The following ERICH1 variants were observed in gnomAD, a reference collection of about 807,000 sequenced individuals.
ERICH1 encodes glutamate rich 1, also known as glutamate-rich protein 1.
In ERICH1, 56 loss-of-function variants were observed where a neutral mutation model predicts 39.6. The observed-to-expected ratio is 1.41, with a 90% CI of 1.14 to 1.77. The LOEUF (loss-of-function observed/expected upper bound fraction) is 1.77, where lower values mean the gene tolerates loss of function less well. Ranked by LOEUF, ERICH1 falls within the 40% of genes most tolerant of loss-of-function variation. The pLI is 0.00. For missense variants in ERICH1, 826 were observed against 575.4 expected (o/e 1.44, Z -4.45); for synonymous variants, 313 against 223.6 (o/e 1.40, Z -3.57).
At chr8:701,328 G>C (rs1284169358) in intron 2 of ERICH1, among the ~76,000 whole-genome samples, 1 of 152,060 alleles carries the variant, frequency 6.6e-6, no homozygotes, top group Non-Finnish European at 1.5e-5. Context: ...TGCCCTGCTG[G>C]ACGGGAGCAC....
chr8:701,253 G>A (rs1168339881), intron 2 of ERICH1, among the ~76,000 whole-genome samples: 2 of 151,878 alleles, frequency 1.3e-5, no homozygotes, highest in East Asian at 3.9e-4. Context: ...CTACCCTGCT[G>A]GACGGGAGCA....
chr8:617,639 C>A (rs1446139032), intron 3 of ERICH1, among the ~76,000 whole-genome samples: 1 of 150,216 alleles, frequency 6.7e-6, no homozygotes, highest in Non-Finnish European at 1.5e-5. Context: ...GTACTTGGTC[C>A]ATCCTCACTG....
At position 671,339 on chromosome 8, in the gene ERICH1, T is replaced by C. The variant is rs1803326264; in HGVS notation, c.1063+1950A>G. ...CCCCGGCTCTAATGTCTGCGCTCAC[T>C]GGGCTCCAGGCTGAGACCTCTGAAC... On this transcript the variant is annotated intron_variant, in intron 4 of 5. Coordinates refer to ENST00000262109, the MANE Select transcript of ERICH1 (RefSeq NM_207332.3). Among the ~76,000 whole-genome samples the C allele has an allele frequency of 2.1e-5, 3 of 146,012 alleles. No individual in the cohort carries two copies. In the South Asian group the frequency reaches 6.5e-4, roughly 32 times the overall value.
intron 1 of ERICH1, among the ~76,000 whole-genome samples, chr8:722,460 C>G (rs1029657756): frequency 6.6e-6 from 1 of 152,184 alleles, no homozygotes; most frequent in African/African-American, 2.4e-5. Context: ...AAATAAAAGA[C>G]ACAGCCAAAT....
intron 2 of ERICH1, among the ~76,000 whole-genome samples, chr8:692,854 A>T (rs1028298470): frequency 1.3e-5 from 2 of 152,248 alleles, no homozygotes; most frequent in Admixed American, 6.5e-5. Flanking sequence ...TTGAATTCAC[A>T]TGAAATTACT....
chr8:624,551 C>T (rs1797487388), intron 3 of ERICH1, among the ~76,000 whole-genome samples: 1 of 152,064 alleles, frequency 6.6e-6, no homozygotes, highest in African/African-American at 2.4e-5. Context: ...AAAAGATGTT[C>T]AATTGGCTCA....
chr8:699,330 C>T (rs28573947), intron 2 of ERICH1, among the ~76,000 whole-genome samples: 27,747 of 152,064 alleles, frequency 0.18, 3,366 homozygotes, highest in East Asian at 0.44. Flanking sequence ...GAAGAGTGGA[C>T]GCCACCCCCG....
chr8:698,062 G>C (rs966309800), intron 2 of ERICH1, among the ~76,000 whole-genome samples: 1 of 152,214 alleles, frequency 6.6e-6, no homozygotes, highest in African/African-American at 2.4e-5. Flanking sequence ...GGTGTAGAGA[G>C]GAGGAGGTGG....
At chr8:619,709 T>C (rs1270641420) in intron 3 of ERICH1, among the ~76,000 whole-genome samples, 2 of 152,200 alleles carry the variant, frequency 1.3e-5, no homozygotes. Flanking sequence ...GTTTGTAACA[T>C]ATACAGGGAC....
chr8:708,682 T>TTTTTTTTTTGG (rs1491330122), intron 2 of ERICH1, among the ~76,000 whole-genome samples: 1 of 27,912 alleles, frequency 3.6e-5, no homozygotes, highest in African/African-American at 1.3e-4. Context: ...GGATAATGAG[T>TTTTTTTTTTGG]TTTTTTTTTT....
At chr8:724,313 A>G (rs1375086441) in intron 1 of ERICH1, among the ~76,000 whole-genome samples, 2 of 152,228 alleles carry the variant, frequency 1.3e-5, no homozygotes, top group African/African-American at 4.8e-5. Flanking sequence ...CGATCTCTAC[A>G]AATAAAAAAG....
In ERICH1 at chr8:731,210, A is replaced by G. The variant is rs1819933494; in HGVS notation, c.-49T>C. The stretch of plus-strand genomic sequence containing the variant: ...GACCACGGCGCGCGGTCCTGAGCTG[A>G]GCGCCGTGCCTTCCGGGTTCCGCCC... On this transcript the variant is annotated 5_prime_UTR_variant, in exon 1 of 6. Transcript: ENST00000262109. 6 of 1,421,258 alleles carry G rather than the reference A, an allele frequency of 4.2e-6. No homozygotes were observed. The highest frequency in any genetic ancestry group is 5.5e-6 in the Non-Finnish European group (6 of 1,088,910). 88.0% of individuals were successfully genotyped at this position (1,421,258 alleles called of 1,614,324 possible).
chr8:691,732 G>C (rs545147160), intron 3 of ERICH1, among the ~76,000 whole-genome samples: 10 of 152,274 alleles, frequency 6.6e-5, no homozygotes, highest in African/African-American at 2.2e-4. Flanking sequence ...AAGCCAGAAA[G>C]ACAAAAGCAG....
chr8:621,962 C>A (rs1211693085), intron 3 of ERICH1, among the ~76,000 whole-genome samples: 2 of 152,168 alleles, frequency 1.3e-5, no homozygotes, highest in African/African-American at 4.8e-5. Flanking sequence ...TGCCTGTAAT[C>A]CCAGCACGTT....
At chr8:716,195 C>G (rs1335787060) in intron 1 of ERICH1, among the ~76,000 whole-genome samples, 188 bp from the exon 2 acceptor site, 1 of 152,238 alleles carries the variant, frequency 6.6e-6, no homozygotes, top group Non-Finnish European at 1.5e-5. Flanking sequence ...CGCAGAGGAA[C>G]CCTTGAGGCT....
chr8:624,488 G>C (rs1431402053), intron 3 of ERICH1, among the ~76,000 whole-genome samples: 1 of 152,204 alleles, frequency 6.6e-6, no homozygotes, highest in African/African-American at 2.4e-5. Context: ...GTCTGTATCA[G>C]TCCTTTCTTG....
In ERICH1 at chr8:713,501, G is replaced by A. The variant is rs1000310245; in HGVS notation, c.169+2360C>T. ...GGAAAAGCATGCTTAGTGTAACCCCGTATCTAGGAGACGTGAAGGGAACTT... is the reference window on the plus strand; with the variant it reads ...GGAAAAGCATGCTTAGTGTAACCCCATATCTAGGAGACGTGAAGGGAACTT... On this transcript the variant is annotated intron_variant, in intron 2 of 5. Coordinates refer to ENST00000262109, the MANE Select transcript of ERICH1 (RefSeq NM_207332.3). 6.6e-5 allele frequency among the ~76,000 whole-genome samples: 10 copies of A among 152,230 alleles called. No individual in the cohort carries two copies. In the South Asian group the frequency reaches 1.2e-3, roughly 19 times the overall value.
At chr8:680,894 G>A (rs946724398) in intron 3 of ERICH1, among the ~76,000 whole-genome samples, 3 of 152,226 alleles carry the variant, frequency 2.0e-5, no homozygotes, top group Non-Finnish European at 4.4e-5. Context: ...ATCCACTGGG[G>A]CTTCCTGGAC....
At chr8:678,044 T>C (rs1051746913) in intron 3 of ERICH1, among the ~76,000 whole-genome samples, 1 of 152,142 alleles carries the variant, frequency 6.6e-6, no homozygotes, top group Non-Finnish European at 1.5e-5. Context: ...AAAACAGTAA[T>C]TTAAAAAGGT....
Sources: gnomAD v4.1 joint callset for allele counts (sites outside exome capture counted in the v4.1 genomes callset) on GRCh38, gnomAD v4.1.1 for gene constraint, MANE v1.5 for transcripts, NCBI Gene and HGNC (gene_info 2026-07-23, HGNC 2026-07-21) for gene names.